Variants in ZZEF1 observed in about 807,000 individuals in gnomAD.
The protein encoded by ZZEF1 is zinc finger ZZ-type and EF-hand domain containing 1.
Under a neutral mutation model 342.8 loss-of-function variants are expected in ZZEF1, and 157 were observed. The observed-to-expected ratio is 0.46, with a 90% CI of 0.40 to 0.52. ZZEF1 has a LOEUF of 0.52. Ranked by LOEUF, ZZEF1 falls within the 20% of genes least tolerant of loss-of-function variation. The probability of loss-of-function intolerance (pLI) is 0.00; values close to 1 mark genes in which losing one functional copy is unlikely to be tolerated. For synonymous variants in ZZEF1, 1,505 were observed against 1,429.1 expected (o/e 1.05, Z -1.20); for missense variants, 3,480 against 3,725.6 (o/e 0.93, Z 1.72).
chr17:4,044,580 G>A (rs548285973), intron 37 of ZZEF1, among the ~76,000 whole-genome samples: 2 of 151,968 alleles, frequency 1.3e-5, no homozygotes, highest in South Asian at 4.2e-4. Flanking sequence ...GTGCAGTGGT[G>A]TGATCTCGGC....
Position 4,034,251 on chromosome 17 carries a change from TG to T in ZZEF1, c.6347del (p.Pro2116HisfsTer14). 1 of 1,614,010 alleles carries T rather than the reference TG, an allele frequency of 6.2e-7. No homozygotes were observed. Reference protein sequence around the residue: ...VPLIDLEHVLPLMFQVVISNA... With the variant: ...VPLIDLEHVLXLMFQVVISNA... ...TTGAGATGACAACCTGAAACATGAG[TG>T]GAAGGACGTGCTCCAGGTCTATCAG... On this transcript the variant is annotated frameshift_variant, in exon 40 of 55. Transcript: ENST00000381638. LOFTEE classifies it high-confidence loss of function.
chr17:4,049,917 G>A, intron 36 of ZZEF1, 58 bp from the exon 37 acceptor site: 1 of 1,580,032 alleles, frequency 6.3e-7, no homozygotes. Context: ...GTTCTTTTCA[G>A]CAAGTGCCAT....
intron 39 of ZZEF1, 104 bp downstream of exon 39, chr17:4,042,325 A>T: frequency 7.9e-7 from 1 of 1,262,356 alleles, no homozygotes. Context: ...TCCTACCCTT[A>T]AGGCTACAGA....
At chr17:4,039,877 C>A (rs990566606) in intron 39 of ZZEF1, among the ~76,000 whole-genome samples, 3 of 151,970 alleles carry the variant, frequency 2.0e-5, no homozygotes, top group Non-Finnish European at 4.4e-5. Context: ...ATCTCCTGAC[C>A]TCATGATCTG....
At chr17:4,079,713 C>T (rs914352542) in intron 18 of ZZEF1, among the ~76,000 whole-genome samples, 1 of 152,066 alleles carries the variant, frequency 6.6e-6, no homozygotes, top group African/African-American at 2.4e-5. Flanking sequence ...ACCTAGGCAC[C>T]CTACAGGTGC....
At chr17:4,083,796 C>T (rs1464609027) in intron 16 of ZZEF1, among the ~76,000 whole-genome samples, 1 of 152,136 alleles carries the variant, frequency 6.6e-6, no homozygotes, top group Non-Finnish European at 1.5e-5. Flanking sequence ...TGCCACCACG[C>T]CCGGCTTCCC....
chr17:4,044,439 T>C, intron 37 of ZZEF1, 65 bp from the exon 38 acceptor site: 2 of 1,466,930 alleles, frequency 1.4e-6, no homozygotes, highest in Non-Finnish European at 1.8e-6. Flanking sequence ...ATGATTATGA[T>C]AACTTTTTAA....
intron 6 of ZZEF1, among the ~76,000 whole-genome samples, chr17:4,109,043 A>AT (rs2058254639): frequency 6.6e-6 from 1 of 152,154 alleles, no homozygotes; most frequent in Admixed American, 6.5e-5. Context: ...ATATGTTACT[A>AT]TTTGGTCTTT....
At position 4,087,533 on chromosome 17, in the gene ZZEF1, A is replaced by C. The variant is rs1370784726; in HGVS notation, c.2243T>G (p.Val748Gly). ...QFIQQLAHDL[V>G]QQKESGLKYK... is the part of the protein sequence containing the mutation. Reference sequence around the variant, plus strand: ...TTTTAAGCCACTTTCCTTCTGCTGCACCTAAAAAATTATAAAGATCAGAAT... The same window carrying C: ...TTTTAAGCCACTTTCCTTCTGCTGCCCCTAAAAAATTATAAAGATCAGAAT... Residue 748 changes from valine to glycine, a missense_variant and splice_region_variant, in exon 14 of 55, where the codon GTG becomes GGG. Transcript: ENST00000381638. 6.2e-7 allele frequency: 1 copy of C among 1,603,932 alleles called. No homozygotes were observed. Among genetic ancestry groups the C allele is most frequent in the South Asian group, 1.1e-5 (1 of 87,992 alleles).
intron 52 of ZZEF1, among the ~76,000 whole-genome samples, chr17:4,012,783 T>C (rs543741292): frequency 2.0e-5 from 3 of 152,268 alleles, no homozygotes; most frequent in Non-Finnish European, 2.9e-5. Context: ...GTAAGGTCAC[T>C]GGATATAACG....
intron 1 of ZZEF1, among the ~76,000 whole-genome samples, chr17:4,127,408 A>G (rs2058589622): frequency 6.6e-6 from 1 of 152,224 alleles, no homozygotes; most frequent in South Asian, 2.1e-4. Flanking sequence ...AGAGATACAT[A>G]ATGAAATATT....
chr17:4,076,608 G>T, intron 21 of ZZEF1, 29 bp downstream of exon 21: 1 of 1,592,944 alleles, frequency 6.3e-7, no homozygotes, highest in Non-Finnish European at 8.6e-7. Context: ...GAGAGAACAC[G>T]GGGCGGCTCA....
At chr17:4,125,829 T>C (rs1597930642) in intron 1 of ZZEF1, among the ~76,000 whole-genome samples, 1 of 152,034 alleles carries the variant, frequency 6.6e-6, no homozygotes, top group Non-Finnish European at 1.5e-5. Flanking sequence ...TGATGAGCTA[T>C]AATGGGAAGG....
In ZZEF1 at chr17:4,049,869, A is replaced by G. The variant is rs1165680874; in HGVS notation, c.5864-10T>C. Reference sequence around the variant, plus strand: ...GCTAGAGCTTTAAGGCCTATGTGGGAAGCAAATCAGAGAATGGTTAGAAGT... The same window carrying G: ...GCTAGAGCTTTAAGGCCTATGTGGGGAGCAAATCAGAGAATGGTTAGAAGT... On this transcript the variant is annotated splice_polypyrimidine_tract_variant and intron_variant, in intron 36 of 54. Transcript: ENST00000381638. 6.2e-7 allele frequency: 1 copy of G among 1,611,368 alleles called. No homozygotes were observed. The highest frequency in any genetic ancestry group is 1.3e-5 in the African/African-American group (1 of 74,604).
At position 4,074,601 on chromosome 17, in the gene ZZEF1, C is replaced by T. The variant is rs138827817; in HGVS notation, c.3484-250G>A. Among the ~76,000 whole-genome samples the T allele has an allele frequency of 1.8e-3, 272 of 152,334 alleles. 2 individuals are homozygous for T. Among genetic ancestry groups the T allele is most frequent in the African/African-American group, 6.2e-3 (258 of 41,576 alleles). ...TACACCTGGGGTGACCATCTGTCCA[C>T]TACCGACTCAGCCAGTGGTCACATT... On this transcript the variant is annotated intron_variant, in intron 23 of 54. Coordinates refer to ENST00000381638, the MANE Select transcript of ZZEF1 (RefSeq NM_015113.4).
rs914124752 is a variant in ZZEF1 at position 4,109,780 on chromosome 17, C to A, written c.1150G>T (p.Val384Phe). The A allele has an allele frequency of 7.4e-6, 12 of 1,614,212 alleles. No homozygotes were observed. The highest frequency in any genetic ancestry group is 1.0e-5 in the Non-Finnish European group (12 of 1,180,032). ...HGLRAVGFQR[V>F]KKSGVSVSDA... ...GAGACTGAGACCCCAGACTTCTTAA[C>A]TCTCTGAAAGCCAACAGCCCTGAGA... Residue 384 changes from valine to phenylalanine, a missense_variant, in exon 6 of 55, where the codon GTT (valine) becomes TTT (phenylalanine). Transcript: ENST00000381638.
chr17:4,123,827 C>CCACAATTTTGCCT, intron 2 of ZZEF1, 80 bp downstream of exon 2: 1 of 1,517,480 alleles, frequency 6.6e-7, no homozygotes, highest in Non-Finnish European at 8.9e-7. Context: ...CTGCATGTGG[C>CCACAATTTTGCCT]CACAATTTTG....
intron 49 of ZZEF1, among the ~76,000 whole-genome samples, chr17:4,015,958 T>C (rs773323693): frequency 1.4e-4 from 21 of 152,066 alleles, no homozygotes; most frequent in Non-Finnish European, 2.1e-4. Flanking sequence ...GGTCATGAGG[T>C]GGCAGCTGAA....
intron 51 of ZZEF1, 74 bp from the exon 52 acceptor site, chr17:4,013,688 A>C: frequency 9.9e-6 from 14 of 1,419,858 alleles, no homozygotes; most frequent in Non-Finnish European, 1.3e-5. Context: ...AATAAAGTAT[A>C]ACAATTGTGT....
Sources: allele counts gnomAD v4.1 joint callset (sites outside exome capture counted in the v4.1 genomes callset), GRCh38; gene constraint gnomAD v4.1.1; transcripts MANE v1.5; gene names NCBI Gene and HGNC (gene_info 2026-07-23, HGNC 2026-07-21).